Variants in KCNQ2 observed in about 807,000 individuals in gnomAD.
KCNQ2 encodes the protein potassium voltage-gated channel subfamily KQT member 2.
A neutral mutation model predicts 84.8 loss-of-function variants in KCNQ2; 14 were observed. That is an observed-to-expected ratio of 0.17 (90% CI 0.11 to 0.26). KCNQ2 has a LOEUF of 0.26. KCNQ2 is among the 10% of genes least tolerant of loss of function. The pLI is 1.00. For missense variants in KCNQ2, 788 were observed against 1,254.0 expected (o/e 0.63, Z 5.61); for synonymous variants, 599 against 554.1 (o/e 1.08, Z -1.14).
chr20:63,402,285 C>T lies in KCNQ2; in HGVS notation c.*4359G>A. ...TCCGAGCTTTGTGAACCGTCCCTCT[C>T]ACGTCTGCTTTGAGGGTTTGTGTCA... On this transcript the variant is annotated 3_prime_UTR_variant, in exon 17 of 17. Coordinates refer to ENST00000359125, the MANE Select transcript of KCNQ2 (RefSeq NM_172107.4). 1 of 178,172 alleles carries T rather than the reference C, an allele frequency of 5.6e-6. No homozygotes were observed. Among genetic ancestry groups the T allele is most frequent in the Non-Finnish European group, 1.2e-5 (1 of 83,984 alleles). The allele number at this position is 178,172 out of a possible 1,614,324, so 11.0% of individuals were successfully genotyped here. A position where few individuals can be genotyped will look rare whatever the true frequency, so the allele number is the denominator to read the frequency against.
chr20:63,446,388 C>T lies in KCNQ2; in HGVS notation c.387+359G>A, dbSNP rs1379421816. 1.3e-5 allele frequency among the ~76,000 whole-genome samples: 2 copies of T among 152,200 alleles called. No homozygotes were observed. The highest frequency in any genetic ancestry group is 2.9e-5 in the Non-Finnish European group (2 of 68,030). ...GCTGCAAGCGTCACAGCCCCCACCC[C>T]GACGCCCACGTCTGCCGTCTGCTGG... On this transcript the variant is annotated intron_variant, in intron 2 of 16. Coordinates refer to ENST00000359125, the MANE Select transcript of KCNQ2 (RefSeq NM_172107.4). This position sits in a 1 kb window ranked among gnomAD's most constrained non-coding sequence, Gnocchi z 5.5.
At position 63,400,807 on chromosome 20, in the gene KCNQ2, AC is replaced by A. The variant is rs1277162505; in HGVS notation, c.*5836del. The A allele has an allele frequency of 2.5e-6, 1 of 397,944 alleles. No homozygotes were observed. Among genetic ancestry groups the A allele is most frequent in the Non-Finnish European group, 4.4e-6 (1 of 225,874 alleles). 24.7% of individuals were successfully genotyped at this position (397,944 alleles called of 1,614,324 possible). The stretch of plus-strand genomic sequence containing the variant: ...CCTCAGTGCGAGACCCCTCCGTGAG[AC>A]CCCTCCTGCCCTGCGCGTGTCTCTG... On this transcript the variant is annotated 3_prime_UTR_variant, in exon 17 of 17. Coordinates refer to ENST00000359125, the MANE Select transcript of KCNQ2 (RefSeq NM_172107.4). This position sits in a 1 kb window ranked among gnomAD's most constrained non-coding sequence, Gnocchi z 8.7.
At chr20:63,465,163 G>A (rs1362157752) in intron 1 of KCNQ2, among the ~76,000 whole-genome samples, 2 of 152,240 alleles carry the variant, frequency 1.3e-5, no homozygotes, top group Non-Finnish European at 2.9e-5. Context: ...GGGGCCACAA[G>A]AGCAGAGAGC....
In KCNQ2 at chr20:63,455,682, G is replaced by A. The variant is rs529204615; in HGVS notation, c.297-8845C>T. ...GGACCACAGTCCTGGGGCCCCCACC[G>A]CCCAGTTAAGGCCGGACCACAGTCC... On this transcript the variant is annotated intron_variant, in intron 1 of 16. Coordinates refer to ENST00000359125, the MANE Select transcript of KCNQ2 (RefSeq NM_172107.4). Among the ~76,000 whole-genome samples the A allele has an allele frequency of 5.8e-4, 88 of 151,024 alleles. 3 individuals are homozygous for A. The South Asian group carries it at 0.016, about 28-fold the overall frequency.
intron 3 of KCNQ2, 87 bp from the exon 4 acceptor site, chr20:63,444,921 A>T: frequency 1.4e-6 from 2 of 1,403,770 alleles, no homozygotes; most frequent in Non-Finnish European, 1.9e-6. Flanking sequence ...TTCCAGGAGG[A>T]TGTGCAGAGG....
intron 10 of KCNQ2, among the ~76,000 whole-genome samples, chr20:63,426,422 C>A (rs2080637484): frequency 6.6e-6 from 1 of 152,100 alleles, no homozygotes; most frequent in Non-Finnish European, 1.5e-5. Flanking sequence ...TAATTTAAGA[C>A]CCTTTGCAAG....
At chr20:63,413,219 A>G (rs2080176797) in intron 15 of KCNQ2, 6 of 570,654 alleles carry the variant, frequency 1.1e-5, no homozygotes, top group South Asian at 8.0e-5. Flanking sequence ...CCACACACAC[A>G]GGTGCACGCA....
At chr20:63,418,711 T>C (rs1312806501) in intron 12 of KCNQ2, among the ~76,000 whole-genome samples, 1 of 152,120 alleles carries the variant, frequency 6.6e-6, no homozygotes, top group Non-Finnish European at 1.5e-5. Flanking sequence ...CACGCCCGTC[T>C]CCCTCTCTGG....
chr20:63,451,862 T>TC (rs1330034554), intron 1 of KCNQ2, among the ~76,000 whole-genome samples: 1 of 152,000 alleles, frequency 6.6e-6, no homozygotes, highest in Non-Finnish European at 1.5e-5. Flanking sequence ...ACCTTCCGAC[T>TC]CCCCAGCAGC....
At chr20:63,423,311 T>G (rs946291032) in intron 11 of KCNQ2, among the ~76,000 whole-genome samples, 1 of 152,112 alleles carries the variant, frequency 6.6e-6, no homozygotes, top group Non-Finnish European at 1.5e-5. Flanking sequence ...TCACCCGCAG[T>G]CCAGGAGGGG....
At chr20:63,458,190 C>T (rs2145852884) in intron 1 of KCNQ2, among the ~76,000 whole-genome samples, 1 of 152,268 alleles carries the variant, frequency 6.6e-6, no homozygotes, top group Middle Eastern at 3.4e-3. Flanking sequence ...CTCTCCACTG[C>T]CCCATCCCAA....
intron 15 of KCNQ2, chr20:63,411,961 G>A (rs1335977671): frequency 1.5e-6 from 1 of 682,044 alleles, no homozygotes; most frequent in Non-Finnish European, 2.7e-6. Context: ...GCCAGGAACT[G>A]GCGGAAACGG....
intron 5 of KCNQ2, among the ~76,000 whole-genome samples, chr20:63,440,721 G>A (rs2081136890): frequency 6.6e-6 from 1 of 152,150 alleles, no homozygotes; most frequent in African/African-American, 2.4e-5. Flanking sequence ...GACAGGGTGG[G>A]CCGGCTGGGC....
intron 7 of KCNQ2, 44 bp from the exon 8 acceptor site, chr20:63,433,947 A>T (rs1255910615): frequency 6.3e-7 from 1 of 1,578,572 alleles, no homozygotes. Context: ...GCAGGCGGCG[A>T]GGGGCGCGCC....
chr20:63,428,374 C>T lies in KCNQ2; in HGVS notation c.1210G>A (p.Ala404Thr), dbSNP rs767250354. The T allele has an allele frequency of 1.1e-5, 18 of 1,570,238 alleles. No homozygotes were observed. Among genetic ancestry groups the T allele is most frequent in the Admixed American group, 3.8e-5 (2 of 52,804 alleles). ...TGGAGCTCCCCAGCTGACCTGAAAG[C>T]GAGTCCAGATTTACTCTTGAGGTTC... ...LRNLKSKSGL[A>T]FRKDPPPEPS... The change falls in exon 10 of 17, where the codon GCT (alanine) becomes ACT (threonine). Residue 404 changes from alanine (A) to threonine (T), a missense_variant. Physicochemically the swap from Ala to Thr is moderately conservative, Grantham distance 58. Coordinates refer to ENST00000359125, the MANE Select transcript of KCNQ2 (RefSeq NM_172107.4).
intron 1 of KCNQ2, among the ~76,000 whole-genome samples, chr20:63,453,268 G>A (rs1173474467): frequency 1.3e-5 from 2 of 152,226 alleles, no homozygotes; most frequent in South Asian, 2.1e-4. Flanking sequence ...ACTCGGCCCC[G>A]CCCACGTGTG....
Position 63,403,406 on chromosome 20 carries a change from G to A in KCNQ2, c.*3238C>T, listed in dbSNP as rs1204604382. 1 of 152,362 alleles carries A rather than the reference G, an allele frequency of 6.6e-6. No individual in the cohort carries two copies. The highest frequency in any genetic ancestry group is 1.5e-5 in the Non-Finnish European group (1 of 68,130). 9.4% of individuals were successfully genotyped at this position (152,362 alleles called of 1,614,324 possible). A position where few individuals can be genotyped will look rare whatever the true frequency, so the allele number is the denominator to read the frequency against. On this transcript the variant is annotated 3_prime_UTR_variant, in exon 17 of 17. Transcript: ENST00000359125. ...GCGAGGAGTGTGCATGCACGCGTGT[G>A]TGTGTGCATGTGTGCAGTGTGCTCT...
In KCNQ2 at chr20:63,444,640, C is replaced by A. The variant is rs1340686189; in HGVS notation, c.690+19G>T. 3 of 1,533,702 alleles carry A rather than the reference C, an allele frequency of 2.0e-6. No individual in the cohort carries two copies. Among genetic ancestry groups the A allele is most frequent in the Admixed American group, 3.9e-5 (2 of 51,214 alleles). ...GCTGGCTGGGGGCGCCCACCGCCAG[C>A]CTTGGGGCCGTGACTCACCTTGCTG... On this transcript the variant is annotated intron_variant, in intron 4 of 16. Transcript: ENST00000359125.
Position 63,413,431 on chromosome 20 carries a change from A to T in KCNQ2, c.1763+19T>A. On this transcript the variant is annotated intron_variant, in intron 15 of 16. Coordinates refer to ENST00000359125, the MANE Select transcript of KCNQ2 (RefSeq NM_172107.4). ...ACCCCGTTCTTGTCCCCTGCTGGACAGGCAGGCGGGGCTCTTGCCTGGACT... is the reference window on the plus strand; with the variant it reads ...ACCCCGTTCTTGTCCCCTGCTGGACTGGCAGGCGGGGCTCTTGCCTGGACT... The T allele has an allele frequency of 1.9e-6, 3 of 1,612,894 alleles. No individual in the cohort carries two copies. Among genetic ancestry groups the T allele is most frequent in the Non-Finnish European group, 2.5e-6 (3 of 1,179,818 alleles).
Sources: allele counts gnomAD v4.1 joint callset (sites outside exome capture counted in the v4.1 genomes callset), GRCh38; gene constraint gnomAD v4.1.1; non-coding constraint Gnocchi (gnomAD v3.1); transcripts MANE v1.5; gene names NCBI Gene and HGNC (gene_info 2026-07-23, HGNC 2026-07-21).